Variants in CLDN14 observed in about 807,000 individuals in gnomAD.
CLDN14 encodes claudin 14.
In CLDN14, 2 loss-of-function variants were observed where a neutral mutation model predicts 2.1. That is an observed-to-expected ratio of 0.96 (90% CI 0.39 to 3.01). The LOEUF (loss-of-function observed/expected upper bound fraction) is 3.01, where lower values mean the gene tolerates loss of function less well. Ranked by LOEUF, CLDN14 falls within the 30% of genes most tolerant of loss-of-function variation. The probability of loss-of-function intolerance (pLI) is 0.09; values close to 1 mark genes in which losing one functional copy is unlikely to be tolerated. For missense variants in CLDN14, 298 were observed against 328.0 expected, an observed-to-expected ratio of 0.91 and a Z score of 0.71; for synonymous variants, 136 against 154.4, an observed-to-expected ratio of 0.88 and a Z score of 0.88.
intron 2 of CLDN14, among the ~76,000 whole-genome samples, chr21:36,494,407 T>A (rs2086996648): frequency 6.6e-6 from 1 of 152,160 alleles, no homozygotes; most frequent in African/African-American, 2.4e-5. Context: ...GGAGGAGAAC[T>A]AAAGAAGCTC....
At chr21:36,540,111 T>TGTGTGTG (rs980360864) in intron 1 of CLDN14, among the ~76,000 whole-genome samples, 2 of 150,842 alleles carry the variant, frequency 1.3e-5, no homozygotes, top group South Asian at 2.1e-4. Context: ...GTGAAGTGAG[T>TGTGTGTG]GTGTGTGGTG....
intron 1 of CLDN14, among the ~76,000 whole-genome samples, chr21:36,550,811 G>T (rs1051513794): frequency 2.8e-4 from 43 of 152,340 alleles, no homozygotes; most frequent in African/African-American, 1.0e-3. Flanking sequence ...GGGGGCACCA[G>T]CCACGGTCCC....
At chr21:36,518,900 C>T (rs2087248509) in intron 1 of CLDN14, among the ~76,000 whole-genome samples, 1 of 152,176 alleles carries the variant, frequency 6.6e-6, no homozygotes, top group Non-Finnish European at 1.5e-5. Flanking sequence ...ATCATAACTC[C>T]AACTAATGCA....
intron 1 of CLDN14, among the ~76,000 whole-genome samples, chr21:36,539,293 C>T (rs929005371): frequency 1.3e-5 from 2 of 152,040 alleles, no homozygotes; most frequent in East Asian, 1.9e-4. Flanking sequence ...GCAAAAAATA[C>T]GTGTGTGGTG....
In CLDN14 at chr21:36,499,024, T is replaced by C. The variant is rs929994848; in HGVS notation, c.-82+11339A>G. Among the ~76,000 whole-genome samples the C allele has an allele frequency of 6.6e-6, 1 of 152,180 alleles. No individual in the cohort carries two copies. The highest frequency in any genetic ancestry group is 2.4e-5 in the African/African-American group (1 of 41,440). ...CCTTTATTTTCTAATTTGGCCAGTT[T>C]CAGGGCACATGACAATCACCGATAT... On this transcript the variant is annotated intron_variant, in intron 2 of 2. Transcript: ENST00000342108. The surrounding 1 kb of genome is among the most constrained non-coding windows in gnomAD (Gnocchi z 4.7).
chr21:36,540,550 G>A (rs986739728), intron 1 of CLDN14, among the ~76,000 whole-genome samples: 6 of 152,120 alleles, frequency 3.9e-5, no homozygotes, highest in African/African-American at 1.4e-4. Flanking sequence ...TGAACGCTGG[G>A]CAGCATGGCC....
chr21:36,528,433 T>C (rs1451843492), intron 1 of CLDN14, among the ~76,000 whole-genome samples: 1 of 152,236 alleles, frequency 6.6e-6, no homozygotes, highest in Non-Finnish European at 1.5e-5. Flanking sequence ...CTCTGTTCAC[T>C]GGGGAAGCCA....
intron 1 of CLDN14, among the ~76,000 whole-genome samples, chr21:36,545,922 C>A (rs1306598649): frequency 1.3e-5 from 2 of 152,186 alleles, no homozygotes; most frequent in African/African-American, 2.4e-5. Flanking sequence ...CAGGACTTCA[C>A]CAAGGTCCTG....
intron 2 of CLDN14, among the ~76,000 whole-genome samples, chr21:36,502,848 G>A (rs918262047): frequency 1.3e-5 from 2 of 152,170 alleles, no homozygotes; most frequent in Admixed American, 6.5e-5. Context: ...GAATCCATCT[G>A]ACCTAAAGGA....
At chr21:36,475,672 T>G (rs1272597793) in intron 1 of CLDN14, among the ~76,000 whole-genome samples, 1 of 152,204 alleles carries the variant, frequency 6.6e-6, no homozygotes, top group Admixed American at 6.5e-5. Flanking sequence ...CGCCTCAGCC[T>G]TCCGAGTAGC....
In CLDN14 at chr21:36,550,523, T is replaced by C. The variant is rs545247930; in HGVS notation, c.-220+25888A>G. 3.9e-5 allele frequency among the ~76,000 whole-genome samples: 6 copies of C among 152,284 alleles called. No homozygotes were observed. In the South Asian group the frequency reaches 1.2e-3, roughly 32 times the overall value. ...AGAGAAGTCAAAGGGCAGTGCCAAA[T>C]CCTGCTCATCGCCAGGGTTTCTCAG... On this transcript the variant is annotated intron_variant, in intron 1 of 2. Coordinates refer to the CLDN14 transcript ENST00000342108.
Position 36,490,945 on chromosome 21 carries a change from C to CACAG in CLDN14, c.-82+19414_-82+19417dup, listed in dbSNP as rs763348613. ...ACGTGTGGGCACACACATGCAAGTG[C>CACAG]ACAGACACACACACACACACACACA... On this transcript the variant is annotated intron_variant, in intron 2 of 2. Transcript: ENST00000342108. 6.8e-3 allele frequency among the ~76,000 whole-genome samples: 584 copies of CACAG among 85,406 alleles called. 4 individuals carry two copies. Among genetic ancestry groups the CACAG allele is most frequent in the African/African-American group, 0.025 (531 of 21,488 alleles). The allele number at this position is 85,406 out of a possible 152,430, so 56.0% of individuals were successfully genotyped here. A position where few individuals can be genotyped will look rare whatever the true frequency, so the allele number is the denominator to read the frequency against.
chr21:36,463,035 G>A (rs219773), intron 1 of CLDN14, among the ~76,000 whole-genome samples: 45,811 of 151,712 alleles, frequency 0.3, 8,189 homozygotes, highest in African/African-American at 0.5. Context: ...GGGGAGCACA[G>A]AGAAAGGAAG....
chr21:36,463,449 C>T (rs1351884898), intron 1 of CLDN14, among the ~76,000 whole-genome samples: 5 of 152,232 alleles, frequency 3.3e-5, no homozygotes, highest in South Asian at 2.1e-4. Context: ...CGGCGGCTCA[C>T]GCCTGTAATC....
At chr21:36,473,794 G>A (rs928896204) in intron 1 of CLDN14, among the ~76,000 whole-genome samples, 6 of 152,222 alleles carry the variant, frequency 3.9e-5, no homozygotes, top group Admixed American at 3.3e-4. Context: ...GATAGAGGTA[G>A]GAAGAGGAGC....
chr21:36,478,191 AC>A (rs1242967083), intron 1 of CLDN14, among the ~76,000 whole-genome samples: 2 of 152,248 alleles, frequency 1.3e-5, no homozygotes, highest in Admixed American at 6.5e-5. Context: ...GGAAGAATCT[AC>A]GTGTCTTCCT....
At chr21:36,559,568 A>AT (rs1217928940) in intron 1 of CLDN14, among the ~76,000 whole-genome samples, 3 of 152,086 alleles carry the variant, frequency 2.0e-5, no homozygotes, top group African/African-American at 7.2e-5. Flanking sequence ...TTATCATGTG[A>AT]TTTTTTTTGA....
chr21:36,533,424 C>A (rs1324114251), intron 1 of CLDN14, among the ~76,000 whole-genome samples: 3 of 152,224 alleles, frequency 2.0e-5, no homozygotes, highest in Non-Finnish European at 4.4e-5. Flanking sequence ...CCTGAAGATG[C>A]TTCCGGCTTA....
At chr21:36,476,824 T>C (rs921201561) in intron 1 of CLDN14, among the ~76,000 whole-genome samples, 7 of 152,232 alleles carry the variant, frequency 4.6e-5, no homozygotes, top group African/African-American at 1.7e-4. Flanking sequence ...GTGAGAATGA[T>C]TGGGTGAGTC....
Sources: allele counts gnomAD v4.1 joint callset (sites outside exome capture counted in the v4.1 genomes callset), GRCh38; gene constraint gnomAD v4.1.1; non-coding constraint Gnocchi (gnomAD v3.1); transcripts MANE v1.5; gene names NCBI Gene and HGNC (gene_info 2026-07-23, HGNC 2026-07-21).